BZW2: variants seen among roughly 807,000 people sequenced by gnomAD.
BZW2 encodes eIF5-mimic protein 1.
BZW2 carries 23 observed loss-of-function variants against 53.2 expected under a neutral mutation model. The observed-to-expected ratio is 0.43, with a 90% confidence interval of 0.31 to 0.61. The LOEUF is 0.61. Among genes scored for constraint, BZW2 ranks in the 20% least tolerant of loss-of-function variants. The pLI is 0.09. For synonymous variants in BZW2, 227 were observed against 186.4 expected (o/e 1.22, Z -1.77); for missense variants, 409 against 503.1 (o/e 0.81, Z 1.79).
At chr7:16,649,620 G>T (rs954045942) in intron 1 of BZW2, among the ~76,000 whole-genome samples, 1 of 152,106 alleles carries the variant, frequency 6.6e-6, no homozygotes, top group Non-Finnish European at 1.5e-5. Flanking sequence ...TCAGGGTACT[G>T]TTTGTCTTGA....
rs1029706837 is a variant in BZW2, at chr7:16,669,581, A to G, written c.58+4080A>G. On this transcript the variant is annotated intron_variant, in intron 2 of 11. Transcript: ENST00000258761. Reference sequence around the variant, plus strand: ...ATTTGATTTTACAGGAAAAAAGAAAATATGTGATTTTTAAAATTCATTGCT... The same window carrying G: ...ATTTGATTTTACAGGAAAAAAGAAAGTATGTGATTTTTAAAATTCATTGCT... Among the ~76,000 whole-genome samples the G allele has an allele frequency of 2.6e-5, 4 of 152,266 alleles. No individual in the cohort carries two copies. In the East Asian group the frequency reaches 7.7e-4, roughly 29 times the overall value.
Position 16,689,887 on chromosome 7 carries a change from A to G in BZW2, c.632A>G (p.Asn211Ser), listed in dbSNP as rs748392463. The G allele has an allele frequency of 1.2e-6, 2 of 1,611,142 alleles. No homozygotes were observed. The highest frequency in any genetic ancestry group is 1.7e-6 in the Non-Finnish European group (2 of 1,178,582). ...NSVTSSLRKANLDKRLLELFP... is the reference protein window; with the variant it reads ...NSVTSSLRKASLDKRLLELFP... ...GTTACCTCGTCTTTGAGAAAAGCCA[A>G]CTTAGACAAGAGGCTGCTTGTAAGT... The change falls in exon 7 of 12, where the codon AAC becomes AGC. Residue 211 changes from asparagine to serine, a missense_variant. Coordinates refer to ENST00000258761, the MANE Select transcript of BZW2 (RefSeq NM_014038.3).
intron 6 of BZW2, 90 bp from the exon 7 acceptor site, chr7:16,689,707 T>C (rs1783241101): frequency 9.6e-7 from 1 of 1,041,098 alleles, no homozygotes; most frequent in Admixed American, 3.0e-5. Flanking sequence ...TTTAGTTATT[T>C]ACACATTTCA....
intron 7 of BZW2, among the ~76,000 whole-genome samples, chr7:16,692,835 G>T (rs1334534247): frequency 6.6e-6 from 1 of 152,160 alleles, no homozygotes; most frequent in African/African-American, 2.4e-5. Context: ...ACTTTCAGTG[G>T]TGGAAAGCCC....
intron 6 of BZW2, among the ~76,000 whole-genome samples, chr7:16,689,164 T>G (rs963050411): frequency 3.9e-5 from 6 of 152,150 alleles, no homozygotes; most frequent in African/African-American, 1.4e-4. Flanking sequence ...AGGTGAAGAT[T>G]GCAGTGAGCC....
At chr7:16,667,257 G>C (rs1159996073) in intron 2 of BZW2, among the ~76,000 whole-genome samples, 2 of 150,180 alleles carry the variant, frequency 1.3e-5, no homozygotes, top group African/African-American at 4.9e-5. Context: ...CTGCAGCCTG[G>C]GCAACGAGTG....
chr7:16,659,357 C>T (rs993280182), intron 1 of BZW2, among the ~76,000 whole-genome samples: 1 of 152,012 alleles, frequency 6.6e-6, no homozygotes, highest in African/African-American at 2.4e-5. Context: ...GTTACAAAAT[C>T]ATGATAAGGA....
In BZW2 at chr7:16,646,224, C is replaced by CTG. The variant is rs1781857151; in HGVS notation, c.-72_-71insTG. On this transcript the variant is annotated 5_prime_UTR_variant, in exon 1 of 12. Coordinates refer to ENST00000258761, the MANE Select transcript of BZW2 (RefSeq NM_014038.3). ...GCCACTGCTGCTGCTGCTGCTGCTG[C>CTG]CGCTGCTGCTGCACGAATCGCCGCA... The CTG allele has an allele frequency of 1.4e-5, 5 of 345,762 alleles. No individual in the cohort carries two copies. Among genetic ancestry groups the CTG allele is most frequent in the African/African-American group, 8.8e-5 (4 of 45,512 alleles). 21.4% of individuals were successfully genotyped at this position (345,762 alleles called of 1,614,324 possible). A position where few individuals can be genotyped will look rare whatever the true frequency, so the allele number is the denominator to read the frequency against.
At chr7:16,699,030 T>G (rs1327849077) in intron 10 of BZW2, among the ~76,000 whole-genome samples, 1 of 152,222 alleles carries the variant, frequency 6.6e-6, no homozygotes, top group Non-Finnish European at 1.5e-5. Context: ...AATAAAGGTT[T>G]TAGATAAATA....
At chr7:16,652,747 A>G (rs926927304) in intron 1 of BZW2, among the ~76,000 whole-genome samples, 2 of 152,006 alleles carry the variant, frequency 1.3e-5, no homozygotes, top group South Asian at 2.1e-4. Context: ...CTGGTTTCGA[A>G]CACCTGACCT....
intron 2 of BZW2, among the ~76,000 whole-genome samples, chr7:16,667,293 C>CA (rs574426507): frequency 0.02 from 2,440 of 124,004 alleles, 51 homozygotes; most frequent in African/African-American, 0.064. Flanking sequence ...AAAAAAAAAA[C>CA]AAAAAAAAAA....
At chr7:16,660,579 C>A (rs541837839) in intron 1 of BZW2, among the ~76,000 whole-genome samples, 1 of 151,948 alleles carries the variant, frequency 6.6e-6, no homozygotes, top group Non-Finnish European at 1.5e-5. Context: ...TTAAAAATTT[C>A]TATTCTTTAG....
intron 2 of BZW2, among the ~76,000 whole-genome samples, chr7:16,673,136 C>T (rs972116777): frequency 3.3e-5 from 5 of 151,902 alleles, no homozygotes; most frequent in African/African-American, 9.7e-5. Context: ...TTAGTAGAGA[C>T]GGGGTTTCAC....
At chr7:16,693,519 G>A (rs1218046922) in intron 7 of BZW2, among the ~76,000 whole-genome samples, 3 of 152,192 alleles carry the variant, frequency 2.0e-5, no homozygotes, top group Non-Finnish European at 4.4e-5. Context: ...GGGGCACACA[G>A]CTCTGTTCTT....
intron 1 of BZW2, among the ~76,000 whole-genome samples, chr7:16,657,709 T>G (rs1424102766): frequency 4.6e-5 from 7 of 152,142 alleles, no homozygotes. Context: ...TTGACACCAG[T>G]ATTTGGCAAA....
intron 1 of BZW2, among the ~76,000 whole-genome samples, chr7:16,659,102 A>G (rs892346919): frequency 6.6e-6 from 1 of 152,044 alleles, no homozygotes. Flanking sequence ...AAAAACTAAA[A>G]AAAAACAATA....
intron 11 of BZW2, among the ~76,000 whole-genome samples, chr7:16,705,575 C>G (rs1329699474): frequency 6.7e-6 from 1 of 150,064 alleles, no homozygotes. Flanking sequence ...GTCACAGCTA[C>G]TCGGGAGGCT....
intron 1 of BZW2, among the ~76,000 whole-genome samples, chr7:16,652,474 T>G (rs770495652): frequency 2.0e-5 from 3 of 152,166 alleles, no homozygotes; most frequent in Non-Finnish European, 4.4e-5. Flanking sequence ...GTACCAGACC[T>G]GGTATATTTG....
intron 5 of BZW2, 95 bp from the exon 6 acceptor site, chr7:16,685,810 A>C (rs1417611755): frequency 2.2e-6 from 3 of 1,390,980 alleles, no homozygotes; most frequent in Non-Finnish European, 9.4e-7. Flanking sequence ...GGATGTTCAC[A>C]GTTTATCTTC....
Sources: gnomAD v4.1 joint callset for allele counts (sites outside exome capture counted in the v4.1 genomes callset) on GRCh38, gnomAD v4.1.1 for gene constraint, MANE v1.5 for transcripts, NCBI Gene and HGNC (gene_info 2026-07-23, HGNC 2026-07-21) for gene names.